Variants in CPNE4 observed in about 807,000 individuals in gnomAD.
The protein encoded by CPNE4 is copine 4.
CPNE4 carries 25 observed loss-of-function variants against 67.9 expected under a neutral mutation model. The observed-to-expected ratio is 0.37, with a 90% CI of 0.27 to 0.51. The LOEUF is 0.51. CPNE4 is among the 20% of genes least tolerant of loss of function. The pLI, the probability that CPNE4 is intolerant of heterozygous loss-of-function variation, is 0.93. For missense variants in CPNE4, 464 were observed against 690.8 expected (o/e 0.67, Z 3.68); for synonymous variants, 242 against 244.9 (o/e 0.99, Z 0.11).
At chr3:131,632,163 C>T (rs970887195) in intron 7 of CPNE4, among the ~76,000 whole-genome samples, 1 of 151,824 alleles carries the variant, frequency 6.6e-6, no homozygotes, top group Non-Finnish European at 1.5e-5. Flanking sequence ...GCGTGCACCA[C>T]CATGCCTGGC....
chr3:131,589,507 C>CTCAG (rs1938402332), intron 7 of CPNE4, among the ~76,000 whole-genome samples: 1 of 152,210 alleles, frequency 6.6e-6, no homozygotes. Context: ...GTCTTCCTCT[C>CTCAG]TCAGTCCACT....
intron 2 of CPNE4, among the ~76,000 whole-genome samples, chr3:131,808,137 G>T (rs1583237131): frequency 1.3e-5 from 2 of 152,208 alleles, no homozygotes; most frequent in Middle Eastern, 6.8e-3. Flanking sequence ...CCACTTTCAG[G>T]TATAAGGACT....
At chr3:131,799,919 TTGTGTG>T (rs3070292) in intron 2 of CPNE4, among the ~76,000 whole-genome samples, 17,229 of 145,488 alleles carry the variant, frequency 0.12, 1,083 homozygotes, top group Middle Eastern at 0.23. Context: ...TGTGTGTGTG[TTGTGTG>T]TGTGTGTGTG....
chr3:131,966,648 T>C (rs2107935114), intron 1 of CPNE4, among the ~76,000 whole-genome samples: 1 of 152,222 alleles, frequency 6.6e-6, no homozygotes, highest in Non-Finnish European at 1.5e-5. Flanking sequence ...CCTGGACACA[T>C]ACACCATCCC....
At chr3:131,897,638 G>A (rs2088389656) in intron 2 of CPNE4, among the ~76,000 whole-genome samples, 1 of 152,218 alleles carries the variant, frequency 6.6e-6, no homozygotes, top group South Asian at 2.1e-4. Flanking sequence ...GCTCACACCT[G>A]TAATCCCAGC....
At chr3:131,820,486 T>A (rs1306742358) in intron 2 of CPNE4, among the ~76,000 whole-genome samples, 2 of 152,216 alleles carry the variant, frequency 1.3e-5, no homozygotes, top group Non-Finnish European at 2.9e-5. Flanking sequence ...GGCTGCCAGT[T>A]AACCGCATTC....
intron 2 of CPNE4, among the ~76,000 whole-genome samples, chr3:131,727,919 T>A (rs2082038286): frequency 6.6e-6 from 1 of 152,232 alleles, no homozygotes. Flanking sequence ...TGTGGTCCTA[T>A]CAGTAGTTTA....
chr3:131,701,428 A>G (rs1334774586), intron 3 of CPNE4, among the ~76,000 whole-genome samples: 1 of 152,208 alleles, frequency 6.6e-6, no homozygotes, highest in Admixed American at 6.5e-5. Flanking sequence ...TCTAAAAAAT[A>G]GAATAATACA....
intron 2 of CPNE4, among the ~76,000 whole-genome samples, chr3:131,785,032 C>G (rs923645051): frequency 3.3e-5 from 5 of 152,066 alleles, no homozygotes; most frequent in Admixed American, 1.3e-4. Flanking sequence ...CTTCTTGGAG[C>G]CTCTGTGTCT....
intron 6 of CPNE4, among the ~76,000 whole-genome samples, chr3:131,679,953 A>G (rs2080697640): frequency 6.6e-6 from 1 of 152,190 alleles, no homozygotes; most frequent in African/African-American, 2.4e-5. Flanking sequence ...CATTTGATCC[A>G]GTGCTGAGTT....
intron 2 of CPNE4, among the ~76,000 whole-genome samples, chr3:131,815,498 T>C (rs550192128): frequency 5.9e-5 from 9 of 152,314 alleles, no homozygotes; most frequent in African/African-American, 2.2e-4. Context: ...TTTAGAGCAA[T>C]GGAAGTTTTA....
At chr3:131,674,380 G>T (rs1024871118) in intron 6 of CPNE4, among the ~76,000 whole-genome samples, 6 of 151,898 alleles carry the variant, frequency 4.0e-5, no homozygotes, top group African/African-American at 1.4e-4. Flanking sequence ...GTTCAGGTAG[G>T]ATTGGTATTA....
chr3:131,794,223 G>C (rs2083857994), intron 2 of CPNE4, among the ~76,000 whole-genome samples: 1 of 150,400 alleles, frequency 6.6e-6, no homozygotes, highest in African/African-American at 2.5e-5. Context: ...TGAAAATCCA[G>C]TTCAATTTTG....
At chr3:131,999,603 A>G (rs977139524) in intron 1 of CPNE4, among the ~76,000 whole-genome samples, 1 of 152,076 alleles carries the variant, frequency 6.6e-6, no homozygotes, top group African/African-American at 2.4e-5. Flanking sequence ...GATGTCTGCA[A>G]TTTGCTTTGA....
intron 7 of CPNE4, among the ~76,000 whole-genome samples, chr3:131,665,362 G>T (rs576456839): frequency 6.6e-6 from 1 of 152,112 alleles, no homozygotes; most frequent in East Asian, 1.9e-4. Context: ...TTTTCAAGTA[G>T]TATGATTATA....
At chr3:131,925,294 G>A (rs1300452466) in intron 1 of CPNE4, among the ~76,000 whole-genome samples, 1 of 151,946 alleles carries the variant, frequency 6.6e-6, no homozygotes, top group African/African-American at 2.4e-5. Context: ...GGTGGCCAAG[G>A]AGCCAGAGCC....
At chr3:131,758,769 G>A (rs562600187) in intron 2 of CPNE4, among the ~76,000 whole-genome samples, 4 of 152,156 alleles carry the variant, frequency 2.6e-5, no homozygotes, top group East Asian at 1.9e-4. Context: ...ATTGAATCAC[G>A]GGGGCTGGTC....
At chr3:131,877,218 C>T (rs550295056) in intron 2 of CPNE4, among the ~76,000 whole-genome samples, 1 of 152,078 alleles carries the variant, frequency 6.6e-6, no homozygotes, top group Non-Finnish European at 1.5e-5. Context: ...GGATTCCAGA[C>T]ATGGATGATA....
chr3:131,736,036 G>A (rs1349043817), intron 2 of CPNE4, among the ~76,000 whole-genome samples: 1 of 152,158 alleles, frequency 6.6e-6, no homozygotes, highest in Non-Finnish European at 1.5e-5. Context: ...ACAGCCTGGG[G>A]CAGATTTCAA....
Sources: gnomAD v4.1 joint callset for allele counts (sites outside exome capture counted in the v4.1 genomes callset) on GRCh38, gnomAD v4.1.1 for gene constraint, MANE v1.5 for transcripts, NCBI Gene and HGNC (gene_info 2026-07-23, HGNC 2026-07-21) for gene names.